Variants in NPRL3 observed in about 807,000 individuals in gnomAD.
The protein encoded by NPRL3 is GATOR1 complex protein NPRL3.
In NPRL3, 23 loss-of-function variants were observed where a neutral mutation model predicts 57.2. That is an observed-to-expected ratio of 0.40 (90% CI 0.29 to 0.57). The LOEUF (loss-of-function observed/expected upper bound fraction) is 0.57. Among genes scored for constraint, NPRL3 ranks in the 20% least tolerant of loss-of-function variants. The probability of loss-of-function intolerance (pLI) is 0.42; values close to 1 mark genes in which losing one functional copy is unlikely to be tolerated. For missense variants in NPRL3, 691 were observed against 767.1 expected (o/e 0.90, Z 1.17); for synonymous variants, 333 against 321.1 (o/e 1.04, Z -0.39).
At chr16:122,247 C>A (rs553023645) in intron 3 of NPRL3, among the ~76,000 whole-genome samples, 1 of 152,194 alleles carries the variant, frequency 6.6e-6, no homozygotes, top group Non-Finnish European at 1.5e-5. Context: ...CAGGCGCGTG[C>A]CACCAAGCCC....
intron 5 of NPRL3, among the ~76,000 whole-genome samples, chr16:114,950 A>T (rs1251144528): frequency 2.0e-5 from 3 of 150,728 alleles, no homozygotes; most frequent in African/African-American, 7.3e-5. Context: ...AGGGTTTAAA[A>T]TTTTTCAGAG....
chr16:106,611 T>A (rs1596515887), intron 7 of NPRL3, among the ~76,000 whole-genome samples: 2 of 115,126 alleles, frequency 1.7e-5, no homozygotes, highest in Admixed American at 2.6e-4. Context: ...GGCAATAGAG[T>A]GAGACCCTGC....
intron 7 of NPRL3, among the ~76,000 whole-genome samples, chr16:105,970 G>C (rs149196481): frequency 6.6e-6 from 1 of 152,194 alleles, no homozygotes; most frequent in Non-Finnish European, 1.5e-5. Flanking sequence ...CTGCAGGACA[G>C]GGCCACCAGG....
chr16:88,802 CT>C lies in NPRL3; in HGVS notation c.1439del (p.Gln480ArgfsTer3). 1 of 1,613,800 alleles carries C rather than the reference CT, an allele frequency of 6.2e-7. No homozygotes were observed. On this transcript the variant is annotated frameshift_variant, in exon 13 of 14. Transcript: ENST00000611875. LOFTEE classifies it high-confidence loss of function. Reference protein sequence around the residue: ...LLPSGDSPLNQRMTENLLASL... With the variant: ...LLPSGDSPLNXRMTENLLASL... ...TGGCCAGCAGGTTCTCCGTCATCCT[CT>C]GGTTCAGTGGCGAGTCCCCGCTGGG...
At position 85,527 on chromosome 16, in the gene NPRL3, G is replaced by A; in HGVS notation, c.*1178C>T. 1 of 1,613,410 alleles carries A rather than the reference G, an allele frequency of 6.2e-7. No individual in the cohort carries two copies. The highest frequency in any genetic ancestry group is 8.5e-7 in the Non-Finnish European group (1 of 1,180,038). ...GTCCTCAAGGACCGCGAGCTCTGCAGTGGCCCCTCCAAGCTGTGCCAGGCC... is the reference window on the plus strand; with the variant it reads ...GTCCTCAAGGACCGCGAGCTCTGCAATGGCCCCTCCAAGCTGTGCCAGGCC... On this transcript the variant is annotated 3_prime_UTR_variant, in exon 14 of 14. Coordinates refer to ENST00000611875, the MANE Select transcript of NPRL3 (RefSeq NM_001077350.3).
intron 9 of NPRL3, among the ~76,000 whole-genome samples, chr16:96,379 T>C (rs1899006112): frequency 6.6e-6 from 1 of 152,172 alleles, no homozygotes; most frequent in Non-Finnish European, 1.5e-5. Context: ...TCGGTGCTCA[T>C]CAGGACACGG....
chr16:103,430 C>G (rs748177233), intron 7 of NPRL3, among the ~76,000 whole-genome samples: 1 of 150,620 alleles, frequency 6.6e-6, no homozygotes, highest in Non-Finnish European at 1.5e-5. Context: ...CGTGAGCCAC[C>G]GCACCCACCC....
At chr16:131,606 A>AAAC (rs1900803506) in intron 2 of NPRL3, among the ~76,000 whole-genome samples, 3 of 151,374 alleles carry the variant, frequency 2.0e-5, no homozygotes, top group East Asian at 3.9e-4. Context: ...TCAAAAAAAA[A>AAAC]AAAAAAAAAA....
At chr16:114,024 C>A (rs1899926457) in intron 5 of NPRL3, among the ~76,000 whole-genome samples, 1 of 152,190 alleles carries the variant, frequency 6.6e-6, no homozygotes. Context: ...TCCTTGGGAC[C>A]AGAGGGCTGA....
Position 138,272 on chromosome 16 carries a change from C to T in NPRL3, c.-5G>A. On this transcript the variant is annotated 5_prime_UTR_variant, in exon 2 of 14. Transcript: ENST00000611875. ...GGGGCTGGTGTTGTCCCGCATCCCG[C>T]CGTGGGGCCGGGGCCGGGGGCGGAG... 1 of 1,593,030 alleles carries T rather than the reference C, an allele frequency of 6.3e-7. No homozygotes were observed. Among genetic ancestry groups the T allele is most frequent in the East Asian group, 2.3e-5 (1 of 43,876 alleles).
chr16:112,762 G>A lies in NPRL3; in HGVS notation c.407C>T (p.Pro136Leu), dbSNP rs547462000. Residue 136 changes from proline to leucine, a missense_variant, in exon 6 of 14, where the codon CCG becomes CTG. By Grantham distance (98) the Pro-to-Leu change is moderately conservative. Transcript: ENST00000611875. ...VVFALRANAD[P>L]SVINCLHNLS... ...GTTATGCAGACAGTTTATCACTGACGGGTCTGCGTTGGCCTGCAGGAGAGA... is the reference window on the plus strand; with the variant it reads ...GTTATGCAGACAGTTTATCACTGACAGGTCTGCGTTGGCCTGCAGGAGAGA... 6.9e-6 allele frequency: 11 copies of A among 1,602,606 alleles called. No individual in the cohort carries two copies. Among genetic ancestry groups the A allele is most frequent in the East Asian group, 6.7e-5 (3 of 44,648 alleles).
intron 12 of NPRL3, 87 bp downstream of exon 12, chr16:89,622 CATCA>C: frequency 8.1e-7 from 1 of 1,232,676 alleles, no homozygotes; most frequent in Non-Finnish European, 1.1e-6. Context: ...GGAGGCCCCT[CATCA>C]CTCACAGCAC....
chr16:103,235 A>G (rs798614), intron 7 of NPRL3, among the ~76,000 whole-genome samples: 133,197 of 147,582 alleles, frequency 0.9, 60,292 homozygotes, highest in African/African-American at 0.98. Flanking sequence ...TTGATCTCCC[A>G]GGCTCAAGAC....
intron 7 of NPRL3, among the ~76,000 whole-genome samples, chr16:103,986 T>C (rs2141933237): frequency 6.6e-6 from 1 of 152,230 alleles, no homozygotes; most frequent in South Asian, 2.1e-4. Context: ...TGGTGGTGCA[T>C]GCCTGTAATC....
intron 5 of NPRL3, among the ~76,000 whole-genome samples, chr16:115,728 C>A (rs1165460363): frequency 6.6e-6 from 1 of 152,178 alleles, no homozygotes; most frequent in Non-Finnish European, 1.5e-5. Flanking sequence ...TCAGGTGATC[C>A]GCCCGCTTCA....
At chr16:98,383 G>A (rs930064901) in intron 8 of NPRL3, 82 bp from the exon 9 acceptor site, 2 of 1,455,448 alleles carry the variant, frequency 1.4e-6, no homozygotes, top group African/African-American at 1.5e-5. Flanking sequence ...CACCAGGTAT[G>A]CACCGGGTAT....
intron 4 of NPRL3, among the ~76,000 whole-genome samples, chr16:118,464 C>CCA (rs1006073750): frequency 2.6e-5 from 4 of 151,338 alleles, no homozygotes; most frequent in Non-Finnish European, 5.9e-5. Context: ...AATGCTTGCA[C>CCA]CACACTGTAG....
chr16:88,027 G>T (rs1380783360), intron 13 of NPRL3, among the ~76,000 whole-genome samples: 7 of 152,128 alleles, frequency 4.6e-5, no homozygotes, highest in Non-Finnish European at 8.8e-5. Flanking sequence ...GGCCGAGTGT[G>T]GTTCTCAACC....
chr16:94,292 C>G (rs1318678350), intron 9 of NPRL3, among the ~76,000 whole-genome samples: 2 of 152,156 alleles, frequency 1.3e-5, no homozygotes, highest in African/African-American at 4.8e-5. Context: ...CCCAGCACTT[C>G]ACGAAAAGGT....
Sources: allele counts gnomAD v4.1 joint callset (sites outside exome capture counted in the v4.1 genomes callset), GRCh38; gene constraint gnomAD v4.1.1; transcripts MANE v1.5; gene names NCBI Gene and HGNC (gene_info 2026-07-23, HGNC 2026-07-21).